MTHFD1L: variants seen among roughly 807,000 people sequenced by gnomAD.
The protein encoded by MTHFD1L is monofunctional C1-tetrahydrofolate synthase, mitochondrial.
MTHFD1L carries 81 observed loss-of-function variants against 119.5 expected under a neutral mutation model. The observed-to-expected ratio is 0.68, with a 90% confidence interval of 0.57 to 0.82. The LOEUF (loss-of-function observed/expected upper bound fraction) is 0.82, where lower values mean the gene tolerates loss of function less well. MTHFD1L is among the 40% of genes least tolerant of loss of function. The pLI, the probability that MTHFD1L is intolerant of heterozygous loss-of-function variation, is 0.00. For missense variants in MTHFD1L, 1,125 were observed against 1,253.4 expected (o/e 0.90, Z 1.55); for synonymous variants, 430 against 475.2 (o/e 0.90, Z 1.24).
At chr6:150,867,998 C>T (rs776577660) in intron 1 of MTHFD1L, among the ~76,000 whole-genome samples, 2 of 151,922 alleles carry the variant, frequency 1.3e-5, no homozygotes, top group Non-Finnish European at 2.9e-5. Context: ...GGATGTCTCA[C>T]CATGTTGGCC....
intron 26 of MTHFD1L, among the ~76,000 whole-genome samples, chr6:151,076,448 A>G (rs141267266): frequency 0.021 from 3,232 of 152,166 alleles, 92 homozygotes; most frequent in South Asian, 0.11. Context: ...TCAGGAGTTC[A>G]AGACCAGCCT....
chr6:151,042,853 C>T (rs904605616), intron 26 of MTHFD1L, among the ~76,000 whole-genome samples: 1 of 152,068 alleles, frequency 6.6e-6, no homozygotes, highest in African/African-American at 2.4e-5. Context: ...CTACATTGGG[C>T]GTATATCACT....
chr6:150,899,862 C>T (rs1278701893), intron 7 of MTHFD1L, among the ~76,000 whole-genome samples: 1 of 151,842 alleles, frequency 6.6e-6, no homozygotes, highest in Non-Finnish European at 1.5e-5. Flanking sequence ...ATCCTAGCTA[C>T]TCAGGAGGCT....
At chr6:150,907,854 A>G (rs1786196955) in intron 8 of MTHFD1L, among the ~76,000 whole-genome samples, 1 of 151,962 alleles carries the variant, frequency 6.6e-6, no homozygotes, top group Non-Finnish European at 1.5e-5. Context: ...TTGAATGCCC[A>G]GTGTCCAGAA....
intron 16 of MTHFD1L, among the ~76,000 whole-genome samples, chr6:150,951,732 T>G: frequency 6.6e-6 from 1 of 152,334 alleles, no homozygotes; most frequent in East Asian, 1.9e-4. Context: ...TTTGAAAATT[T>G]TTTTTATAAC....
At chr6:150,904,967 G>A (rs1247960963) in intron 7 of MTHFD1L, among the ~76,000 whole-genome samples, 1 of 151,738 alleles carries the variant, frequency 6.6e-6, no homozygotes, top group Non-Finnish European at 1.5e-5. Flanking sequence ...TCATTGTGAT[G>A]GTGCCATTAT....
At chr6:151,058,032 C>T (rs1375407228) in intron 26 of MTHFD1L, among the ~76,000 whole-genome samples, 2 of 152,216 alleles carry the variant, frequency 1.3e-5, no homozygotes, top group Admixed American at 6.5e-5. Context: ...CTGCCACCAC[C>T]TCCCAAAGTG....
chr6:150,913,103 G>C (rs175861), intron 8 of MTHFD1L, among the ~76,000 whole-genome samples: 8,257 of 152,046 alleles, frequency 0.054, 265 homozygotes, highest in Middle Eastern at 0.092. Context: ...CTGAGCTCAA[G>C]CGATCCTCCT....
intron 8 of MTHFD1L, among the ~76,000 whole-genome samples, chr6:150,909,714 A>C (rs1346022981): frequency 6.6e-6 from 1 of 152,220 alleles, no homozygotes; most frequent in Non-Finnish European, 1.5e-5. Flanking sequence ...TTAGGCTCAG[A>C]AAACAGTATC....
intron 7 of MTHFD1L, among the ~76,000 whole-genome samples, chr6:150,895,340 G>A (rs1784039329): frequency 1.3e-5 from 2 of 152,218 alleles, no homozygotes; most frequent in Admixed American, 1.3e-4. Flanking sequence ...AGGTACGGCA[G>A]GGCCCTGCTC....
At chr6:151,019,984 C>G (rs750804484) in intron 24 of MTHFD1L, among the ~76,000 whole-genome samples, 1 of 152,212 alleles carries the variant, frequency 6.6e-6, no homozygotes, top group Non-Finnish European at 1.5e-5. Context: ...CCCTTGGGTG[C>G]TGGGCAGTGA....
intron 7 of MTHFD1L, among the ~76,000 whole-genome samples, chr6:150,893,196 C>T (rs1434276267): frequency 1.3e-5 from 2 of 152,132 alleles, no homozygotes; most frequent in Non-Finnish European, 1.5e-5. Flanking sequence ...ACCTGAGTAG[C>T]TGGGATTACA....
intron 26 of MTHFD1L, among the ~76,000 whole-genome samples, chr6:151,040,513 C>G (rs1446262448): frequency 6.6e-6 from 1 of 151,658 alleles, no homozygotes; most frequent in Admixed American, 6.6e-5. Flanking sequence ...GAGTTTGAGA[C>G]GCCTGGGCAA....
intron 5 of MTHFD1L, 125 bp downstream of exon 5, chr6:150,883,011 T>G: frequency 9.7e-7 from 1 of 1,026,702 alleles, no homozygotes; most frequent in Non-Finnish European, 1.3e-6. Context: ...AAAAAAATCA[T>G]TTTAAATATT....
intron 24 of MTHFD1L, among the ~76,000 whole-genome samples, chr6:151,032,285 T>G (rs1458047667): frequency 6.6e-6 from 1 of 152,214 alleles, no homozygotes; most frequent in African/African-American, 2.4e-5. Flanking sequence ...TCTGCTGGGC[T>G]TCTGGTGAGG....
chr6:151,061,298 T>G (rs1264841643), intron 26 of MTHFD1L, among the ~76,000 whole-genome samples: 1 of 152,114 alleles, frequency 6.6e-6, no homozygotes, highest in African/African-American at 2.4e-5. Flanking sequence ...TCACACAAGA[T>G]ACACTTAGTT....
intron 7 of MTHFD1L, among the ~76,000 whole-genome samples, chr6:150,893,571 AC>A (rs555829417): frequency 6.6e-6 from 1 of 151,682 alleles, no homozygotes; most frequent in South Asian, 2.1e-4. Flanking sequence ...ATGGAACAAG[AC>A]CCCCCCATCC....
At chr6:151,027,947 T>A (rs1341853186) in intron 24 of MTHFD1L, among the ~76,000 whole-genome samples, 2 of 152,136 alleles carry the variant, frequency 1.3e-5, no homozygotes, top group Non-Finnish European at 2.9e-5. Flanking sequence ...TCTCTTCAGG[T>A]CCCAGGAAAC....
intron 20 of MTHFD1L, among the ~76,000 whole-genome samples, chr6:150,992,138 A>G (rs1173632544): frequency 1.3e-5 from 2 of 152,184 alleles, no homozygotes; most frequent in Non-Finnish European, 2.9e-5. Context: ...GTGAAGGGAA[A>G]GAGTGGACAA....
Sources: gnomAD v4.1 joint callset for allele counts (sites outside exome capture counted in the v4.1 genomes callset) on GRCh38, gnomAD v4.1.1 for gene constraint, MANE v1.5 for transcripts, NCBI Gene and HGNC (gene_info 2026-07-23, HGNC 2026-07-21) for gene names.